The following FHIT variants were observed in gnomAD, a reference collection of about 807,000 sequenced individuals.
FHIT encodes the protein fragile histidine triad diadenosine triphosphatase.
Under a neutral mutation model 17.9 loss-of-function variants are expected in FHIT, and 19 were observed. The observed-to-expected ratio is 1.06, with a 90% CI of 0.74 to 1.56. The LOEUF is 1.56. Ranked by LOEUF, FHIT falls within the 40% of genes most tolerant of loss-of-function variation. FHIT has a pLI of 0.00. For synonymous variants in FHIT, 81 were observed against 69.7 expected (o/e 1.16, Z -0.81); for missense variants, 248 against 189.2 (o/e 1.31, Z -1.82).
intron 2 of FHIT, among the ~76,000 whole-genome samples, chr3:61,044,339 C>A (rs931226780): frequency 4.3e-4 from 65 of 152,140 alleles, no homozygotes; most frequent in African/African-American, 1.5e-3. Flanking sequence ...GACACATGCA[C>A]AAGTTTCGGT....
chr3:60,734,241 TC>T (rs1299041344), intron 4 of FHIT, among the ~76,000 whole-genome samples: 2 of 152,194 alleles, frequency 1.3e-5, no homozygotes, highest in African/African-American at 4.8e-5. Context: ...TAACATGGTA[TC>T]CTAGATGTAT....
chr3:60,548,958 A>G (rs1344382445), intron 4 of FHIT, among the ~76,000 whole-genome samples: 1 of 152,156 alleles, frequency 6.6e-6, no homozygotes, highest in Non-Finnish European at 1.5e-5. Flanking sequence ...CATTTTATGA[A>G]CTCAGGCAAG....
chr3:59,823,615 G>C (rs1479480687), intron 8 of FHIT, among the ~76,000 whole-genome samples: 1 of 151,952 alleles, frequency 6.6e-6, no homozygotes, highest in Non-Finnish European at 1.5e-5. Flanking sequence ...CATCTCAAAA[G>C]ATGCAGACAA....
At chr3:60,069,202 T>C (rs1231218974) in intron 5 of FHIT, among the ~76,000 whole-genome samples, 5 of 152,188 alleles carry the variant, frequency 3.3e-5, no homozygotes, top group East Asian at 1.9e-4. Flanking sequence ...TAATAACCTA[T>C]GAAGATGAAC....
intron 4 of FHIT, among the ~76,000 whole-genome samples, chr3:60,551,845 A>G (rs974879840): frequency 2.0e-5 from 3 of 151,768 alleles, no homozygotes; most frequent in African/African-American, 7.3e-5. Flanking sequence ...GTGACATACA[A>G]TTCATATACC....
chr3:60,253,824 T>C (rs373682607), intron 5 of FHIT, among the ~76,000 whole-genome samples: 3 of 152,326 alleles, frequency 2.0e-5, no homozygotes, highest in African/African-American at 7.2e-5. Context: ...CGTGGTATCC[T>C]TCTCCAGAAT....
intron 5 of FHIT, among the ~76,000 whole-genome samples, chr3:60,217,472 C>G (rs1703748047): frequency 6.6e-6 from 1 of 152,198 alleles, no homozygotes; most frequent in South Asian, 2.1e-4. Context: ...TCCATTCTCC[C>G]ACTACTTCAG....
chr3:59,995,829 C>A (rs533938783), intron 7 of FHIT, among the ~76,000 whole-genome samples: 1 of 151,998 alleles, frequency 6.6e-6, no homozygotes, highest in South Asian at 2.1e-4. Context: ...CTTAGGAAAC[C>A]AATCTGCTCA....
chr3:61,206,981 G>T (rs1301925916), intron 1 of FHIT, among the ~76,000 whole-genome samples: 2 of 152,156 alleles, frequency 1.3e-5, no homozygotes, highest in Non-Finnish European at 2.9e-5. Flanking sequence ...TTATTATTTT[G>T]AGATATGACC....
intron 5 of FHIT, among the ~76,000 whole-genome samples, chr3:60,103,143 T>C (rs1704263639): frequency 6.6e-6 from 1 of 152,192 alleles, no homozygotes; most frequent in Admixed American, 6.5e-5. Context: ...TGGGCAGCTC[T>C]CTCTCAGTTT....
At chr3:60,700,137 A>G (rs1031826972) in intron 4 of FHIT, among the ~76,000 whole-genome samples, 1 of 145,550 alleles carries the variant, frequency 6.9e-6, no homozygotes, top group East Asian at 1.9e-4. Context: ...TCTCAAAAAA[A>G]AAAAAAAAAT....
intron 5 of FHIT, among the ~76,000 whole-genome samples, chr3:60,316,331 T>G (rs1031929599): frequency 1.3e-5 from 2 of 152,198 alleles, no homozygotes; most frequent in African/African-American, 4.8e-5. Flanking sequence ...GATGTCACCT[T>G]TTATAAACTG....
At chr3:59,784,451 A>T (rs1702745568) in intron 8 of FHIT, among the ~76,000 whole-genome samples, 1 of 152,156 alleles carries the variant, frequency 6.6e-6, no homozygotes, top group Admixed American at 6.5e-5. Context: ...ACTCCTTAAC[A>T]AGGCCTAGAA....
chr3:59,764,863 AACACACACACACACACACACACAC>A (rs57549363), intron 8 of FHIT, among the ~76,000 whole-genome samples: 2,143 of 145,788 alleles, frequency 0.015, 51 homozygotes, highest in African/African-American at 0.051. Context: ...GGCAACTGCA[AACACACACACACACACACACACAC>A]ACACACACAC....
intron 3 of FHIT, among the ~76,000 whole-genome samples, chr3:61,008,259 C>A (rs1207203205): frequency 6.6e-6 from 1 of 152,170 alleles, no homozygotes; most frequent in Non-Finnish European, 1.5e-5. Flanking sequence ...TTTATAAGCA[C>A]AAGTTGGGGA....
chr3:60,329,563 A>G (rs73103076), intron 5 of FHIT, among the ~76,000 whole-genome samples: 18,817 of 152,246 alleles, frequency 0.12, 1,360 homozygotes, highest in Non-Finnish European at 0.16. Flanking sequence ...CTGTGGAACA[A>G]TCTATAGCAT....
chr3:59,783,133 TG>T (rs570480312), intron 8 of FHIT, among the ~76,000 whole-genome samples: 116 of 152,274 alleles, frequency 7.6e-4, no homozygotes, highest in Admixed American at 1.2e-3. Flanking sequence ...TCCATCCTCC[TG>T]GCCCACAACT....
intron 4 of FHIT, among the ~76,000 whole-genome samples, chr3:60,758,571 T>C (rs1553718871): frequency 1.3e-5 from 2 of 152,228 alleles, no homozygotes; most frequent in African/African-American, 4.8e-5. Flanking sequence ...GCCAAAATCA[T>C]GGGCGTGCGG....
chr3:59,981,713 T>A (rs621855), intron 7 of FHIT, among the ~76,000 whole-genome samples: 4 of 152,040 alleles, frequency 2.6e-5, no homozygotes, highest in African/African-American at 9.7e-5. Context: ...TGCTAAATGG[T>A]CAAATAGAGA....
Sources: gnomAD v4.1 joint callset for allele counts (sites outside exome capture counted in the v4.1 genomes callset) on GRCh38, gnomAD v4.1.1 for gene constraint, MANE v1.5 for transcripts, NCBI Gene and HGNC (gene_info 2026-07-23, HGNC 2026-07-21) for gene names.